ALG8: variants seen among roughly 807,000 people sequenced by gnomAD.
ALG8 encodes the protein ALG8 alpha-1,3-glucosyltransferase.
A neutral mutation model predicts 70.2 loss-of-function variants in ALG8; 48 were observed. The ratio of observed to expected loss-of-function variants is 0.68; its 90% CI spans 0.54 to 0.87. The LOEUF (loss-of-function observed/expected upper bound fraction) is 0.87, where lower values mean the gene tolerates loss of function less well. Ranked by LOEUF, ALG8 falls within the 40% of genes least tolerant of loss-of-function variation. The pLI, the probability that ALG8 is intolerant of heterozygous loss-of-function variation, is 0.00. For synonymous variants in ALG8, 234 were observed against 229.0 expected (o/e 1.02, Z -0.20); for missense variants, 572 against 608.7 (o/e 0.94, Z 0.64).
At chr11:78,106,148 G>T (rs564863075) in intron 10 of ALG8, among the ~76,000 whole-genome samples, 2 of 152,212 alleles carry the variant, frequency 1.3e-5, no homozygotes, top group South Asian at 2.1e-4. Flanking sequence ...CACTTAACAA[G>T]GAACCATGGG....
chr11:78,105,172 C>T (rs138189452), intron 10 of ALG8, among the ~76,000 whole-genome samples: 1 of 152,190 alleles, frequency 6.6e-6, no homozygotes, highest in East Asian at 1.9e-4. Flanking sequence ...AAAGTTTTTG[C>T]TTTACTTTTT....
chr11:78,129,297 G>A (rs1439274712), intron 1 of ALG8, among the ~76,000 whole-genome samples: 1 of 151,886 alleles, frequency 6.6e-6, no homozygotes, highest in Non-Finnish European at 1.5e-5. Flanking sequence ...GTGGGCGCCT[G>A]TAGTCCCAGC....
intron 2 of ALG8, among the ~76,000 whole-genome samples, chr11:78,126,456 C>T (rs1169807933): frequency 2.0e-5 from 3 of 146,668 alleles, no homozygotes; most frequent in Admixed American, 6.8e-5. Context: ...CGCTTGAACC[C>T]GGGAGGCGGA....
At chr11:78,107,006 G>C in intron 9 of ALG8, 60 bp from the exon 10 acceptor site, 3 of 1,589,160 alleles carry the variant, frequency 1.9e-6, no homozygotes, top group South Asian at 1.1e-5. Flanking sequence ...TACAGAAACA[G>C]AGTTCAGGTG....
At chr11:78,138,531 A>T (rs1157854961) in intron 1 of ALG8, among the ~76,000 whole-genome samples, 3 of 152,228 alleles carry the variant, frequency 2.0e-5, no homozygotes, top group Non-Finnish European at 4.4e-5. Flanking sequence ...CATTCTATAC[A>T]TATGACTCTC....
In ALG8 at chr11:78,133,697, G is replaced by A. The variant is rs187216574; in HGVS notation, c.95+5797C>T. Among the ~76,000 whole-genome samples, 1,435 of 152,114 alleles carry A rather than the reference G, an allele frequency of 9.4e-3. 19 individuals are homozygous for A. The highest frequency in any genetic ancestry group is 0.032 in the African/African-American group (1,345 of 41,480). On this transcript the variant is annotated intron_variant, in intron 1 of 12. Transcript: ENST00000299626. ...GGGCGGATCACGAGGTCAGGAGATC[G>A]AGACCACCCTGGCTAACATGGTGAA... is the stretch of plus-strand genomic sequence containing the variant.
In ALG8 at chr11:78,106,794, G is replaced by A; in HGVS notation, c.1178+13C>T. ...ATATGCCAAAATGCTCACTGGCTGA[G>A]CTATCTGCTTACCTCATTGGGAGAA... On this transcript the variant is annotated intron_variant, in intron 10 of 12. Coordinates refer to ENST00000299626, the MANE Select transcript of ALG8 (RefSeq NM_024079.5). 6.2e-7 allele frequency: 1 copy of A among 1,613,830 alleles called. No homozygotes were observed.
chr11:78,111,574 T>G (rs779973461), intron 8 of ALG8, among the ~76,000 whole-genome samples: 32 of 152,202 alleles, frequency 2.1e-4, no homozygotes, highest in Non-Finnish European at 4.3e-4. Context: ...AGCACTGAAG[T>G]ATGAATGGTT....
intron 1 of ALG8, among the ~76,000 whole-genome samples, chr11:78,132,151 T>C (rs1861335204): frequency 6.6e-6 from 1 of 152,224 alleles, no homozygotes; most frequent in African/African-American, 2.4e-5. Flanking sequence ...CAGCTTGCCC[T>C]GTCATGTAGC....
chr11:78,137,952 G>C (rs2136955420), intron 1 of ALG8, among the ~76,000 whole-genome samples: 1 of 152,328 alleles, frequency 6.6e-6, no homozygotes, highest in Middle Eastern at 3.4e-3. Context: ...TATCTGTGAA[G>C]TGCAATAAAG....
intron 5 of ALG8, among the ~76,000 whole-genome samples, chr11:78,115,424 C>T (rs529186368): frequency 1.3e-5 from 2 of 151,480 alleles, no homozygotes; most frequent in Admixed American, 6.6e-5. Context: ...GTTCTTGTTG[C>T]CCAGGCTGGA....
Position 78,124,009 on chromosome 11 carries a change from C to G in ALG8, c.368+12G>C. ...AATACCTTCCATACAAAATGACATG[C>G]TCCAGACTTACTCACGGACAGCATA... On this transcript the variant is annotated intron_variant, in intron 3 of 12. Transcript: ENST00000299626. 6.2e-7 allele frequency: 1 copy of G among 1,614,004 alleles called. No individual in the cohort carries two copies. The highest frequency in any genetic ancestry group is 8.5e-7 in the Non-Finnish European group (1 of 1,179,906).
intron 7 of ALG8, 66 bp from the exon 8 acceptor site, chr11:78,112,836 T>C (rs186900840): frequency 2.5e-6 from 4 of 1,574,734 alleles, no homozygotes; most frequent in African/African-American, 2.7e-5. Context: ...AAAAGAGAAC[T>C]AGGGAACTCT....
chr11:78,109,123 G>A (rs181820279), intron 9 of ALG8, among the ~76,000 whole-genome samples: 363 of 152,262 alleles, frequency 2.4e-3, no homozygotes, highest in African/African-American at 8.4e-3. Flanking sequence ...GGATGTCCCT[G>A]CCACAAACAT....
rs371661119 is a variant in ALG8 at position 78,108,844 on chromosome 11, T to C, written c.1038+598A>G. Reference sequence around the variant, plus strand: ...AAGATGAGTGTAATTATCGATAGGATTGAGTTGTTTATATTGAATTCTACT... The same window carrying C: ...AAGATGAGTGTAATTATCGATAGGACTGAGTTGTTTATATTGAATTCTACT... On this transcript the variant is annotated intron_variant, in intron 9 of 12. Coordinates refer to ENST00000299626, the MANE Select transcript of ALG8 (RefSeq NM_024079.5). Among the ~76,000 whole-genome samples the C allele has an allele frequency of 8.6e-4, 131 of 152,294 alleles. 1 individual carries two copies. In the South Asian group the frequency reaches 0.027, roughly 31 times the overall value.
intron 3 of ALG8, 66 bp from the exon 4 acceptor site, chr11:78,121,240 G>C (rs1389407603): frequency 2.7e-6 from 3 of 1,096,326 alleles, no homozygotes; most frequent in Non-Finnish European, 4.2e-6. Flanking sequence ...CACTTCTGCA[G>C]AGTAAACTAT....
At position 78,104,027 on chromosome 11, in the gene ALG8, CAT is replaced by C; in HGVS notation, c.1300_1301del (p.Met434ValfsTer7). On this transcript the variant is annotated frameshift_variant, in exon 12 of 13. Transcript: ENST00000299626. LOFTEE classifies it high-confidence loss of function. ...APELPIKILL[M>X]LLFTIYSISS... ...AAATACTATATATGGTGAATAGTAA[CAT>C]GAGTAAGATTTTAATGGGAAGTTCT... 6.6e-7 allele frequency: 1 copy of C among 1,510,570 alleles called. No homozygotes were observed. The highest frequency in any genetic ancestry group is 2.3e-5 in the East Asian group (1 of 44,150). The allele number at this position is 1,510,570 out of a possible 1,614,324, so 93.6% of individuals were successfully genotyped here. A position where few individuals can be genotyped will look rare whatever the true frequency, so the allele number is the denominator to read the frequency against.
intron 1 of ALG8, among the ~76,000 whole-genome samples, chr11:78,138,365 AT>A (rs1358031462): frequency 5.3e-5 from 8 of 151,046 alleles, no homozygotes; most frequent in African/African-American, 1.5e-4. Context: ...AAAAAAAAAA[AT>A]AACAAACAAA....
intron 12 of ALG8, chr11:78,103,465 CAA>C (rs879920662): frequency 1.1e-4 from 15 of 131,988 alleles, no homozygotes; most frequent in Non-Finnish European, 2.0e-4. Flanking sequence ...ACTCCGTCTC[CAA>C]AAAAAAAAAA....
Sources: allele counts gnomAD v4.1 joint callset (sites outside exome capture counted in the v4.1 genomes callset), GRCh38; gene constraint gnomAD v4.1.1; transcripts MANE v1.5; gene names NCBI Gene and HGNC (gene_info 2026-07-23, HGNC 2026-07-21).